The following PDCD1LG2 variants were observed in gnomAD, a reference collection of about 807,000 sequenced individuals.
PDCD1LG2 encodes programmed cell death 1 ligand 2.
A neutral mutation model predicts 28.2 loss-of-function variants in PDCD1LG2; 32 were observed. The ratio of observed to expected loss-of-function variants is 1.13; its 90% CI spans 0.86 to 1.52. The LOEUF is 1.52. Ranked by LOEUF, PDCD1LG2 falls within the 40% of genes most tolerant of loss-of-function variation. The pLI is 0.00. For missense variants in PDCD1LG2, 385 were observed against 323.8 expected (o/e 1.19, Z -1.45); for synonymous variants, 116 against 120.2 (o/e 0.97, Z 0.23).
At chr9:5,541,762 T>C (rs1030509721) in intron 3 of PDCD1LG2, among the ~76,000 whole-genome samples, 22 of 151,856 alleles carry the variant, frequency 1.4e-4, no homozygotes, top group African/African-American at 5.3e-4. Flanking sequence ...GCAAAAGCAA[T>C]CTACAAAGTC....
intron 1 of PDCD1LG2, among the ~76,000 whole-genome samples, chr9:5,512,289 A>T (rs1213568303): frequency 6.6e-6 from 1 of 152,210 alleles, no homozygotes; most frequent in African/African-American, 2.4e-5. Context: ...ATAACCTTCA[A>T]ATCAACTCAC....
At chr9:5,540,717 C>T (rs1820670881) in intron 3 of PDCD1LG2, among the ~76,000 whole-genome samples, 1 of 151,956 alleles carries the variant, frequency 6.6e-6, no homozygotes, top group Non-Finnish European at 1.5e-5. Context: ...TGAATGGTAA[C>T]TTTTAAAATT....
At chr9:5,517,799 A>T (rs926782948) in intron 1 of PDCD1LG2, among the ~76,000 whole-genome samples, 7 of 152,188 alleles carry the variant, frequency 4.6e-5, no homozygotes, top group African/African-American at 1.2e-4. Flanking sequence ...TTGGTTAATG[A>T]ATCAGATGTA....
chr9:5,569,562 A>G lies in PDCD1LG2; in HGVS notation c.817-392A>G, dbSNP rs1033478755. 3.3e-5 allele frequency among the ~76,000 whole-genome samples: 5 copies of G among 152,218 alleles called. No individual in the cohort carries two copies. The highest frequency in any genetic ancestry group is 1.2e-4 in the African/African-American group (5 of 41,456). Reference sequence around the variant, plus strand: ...GAGGAGCCCAGTGATGCAGTCTGCAATGTCATCATCCTGGAGCATGAATAG... The same window carrying G: ...GAGGAGCCCAGTGATGCAGTCTGCAGTGTCATCATCCTGGAGCATGAATAG... On this transcript the variant is annotated intron_variant, in intron 6 of 6. Coordinates refer to ENST00000397747, the MANE Select transcript of PDCD1LG2 (RefSeq NM_025239.4). The surrounding 1 kb of genome is among the most constrained non-coding windows in gnomAD (Gnocchi z 4.1).
In PDCD1LG2 at chr9:5,534,903, A is replaced by G; in HGVS notation, c.214A>G (p.Arg72Gly). 1 of 1,614,206 alleles carries G rather than the reference A, an allele frequency of 6.2e-7. No homozygotes were observed. Among genetic ancestry groups the G allele is most frequent in the Non-Finnish European group, 8.5e-7 (1 of 1,180,030 alleles). Residue 72 changes from arginine (R) to glycine (G), a missense_variant, in exon 3 of 7, where the codon AGA becomes GGA. By Grantham distance (125) the Arg-to-Gly change is moderately radical. Coordinates refer to ENST00000397747, the MANE Select transcript of PDCD1LG2 (RefSeq NM_025239.4). ...VENDTSPHRE[R>G]ATLLEEQLPL... ...AAATGATACATCCCCACACCGTGAA[A>G]GAGCCACTTTGCTGGAGGAGCAGCT...
intron 2 of PDCD1LG2, among the ~76,000 whole-genome samples, chr9:5,532,220 C>A (rs1468594554): frequency 6.6e-6 from 1 of 152,222 alleles, no homozygotes; most frequent in Non-Finnish European, 1.5e-5. Flanking sequence ...CACCTTATAG[C>A]CCTGCCCCTG....
chr9:5,552,206 G>A (rs2129893421), intron 4 of PDCD1LG2, among the ~76,000 whole-genome samples: 1 of 152,266 alleles, frequency 6.6e-6, no homozygotes, highest in Admixed American at 6.5e-5. Flanking sequence ...ACTCTTCCTT[G>A]TCTCCATTAT....
At chr9:5,526,182 T>C (rs1423121812) in intron 2 of PDCD1LG2, among the ~76,000 whole-genome samples, 1 of 152,182 alleles carries the variant, frequency 6.6e-6, no homozygotes, top group African/African-American at 2.4e-5. Flanking sequence ...CAGATGTTCA[T>C]TTTACTTAAT....
Position 5,543,690 on chromosome 9 carries a change from G to T in PDCD1LG2, c.362-5645G>T, listed in dbSNP as rs113230215. Among the ~76,000 whole-genome samples, 608 of 152,268 alleles carry T rather than the reference G, an allele frequency of 4.0e-3. 5 individuals are homozygous for T. The highest frequency in any genetic ancestry group is 0.011 in the African/African-American group (456 of 41,548). ...CCCAAGGAAAGCATTTGCTAAAAGA[G>T]CCAAGTCTCAGTGTCTTTTTTTCCC... On this transcript the variant is annotated intron_variant, in intron 3 of 6. Transcript: ENST00000397747.
At chr9:5,560,101 T>A (rs1343450790) in intron 5 of PDCD1LG2, among the ~76,000 whole-genome samples, 5 of 152,252 alleles carry the variant, frequency 3.3e-5, no homozygotes, top group Non-Finnish European at 7.3e-5. Flanking sequence ...TTATTATATG[T>A]TTCCATAGCA....
intron 1 of PDCD1LG2, 99 bp from the exon 2 acceptor site, chr9:5,522,434 C>T (rs1033147060): frequency 3.4e-6 from 3 of 886,340 alleles, no homozygotes; most frequent in Non-Finnish European, 5.4e-6. Flanking sequence ...GTCACCTTCC[C>T]CAAATGATTT....
intron 6 of PDCD1LG2, among the ~76,000 whole-genome samples, chr9:5,565,548 T>A (rs1816649847): frequency 6.6e-6 from 1 of 152,204 alleles, no homozygotes; most frequent in Non-Finnish European, 1.5e-5. Flanking sequence ...CTTTTTATTT[T>A]TCCTCTGCAT....
In PDCD1LG2 at chr9:5,521,929, G is replaced by A. The variant is rs1318452403; in HGVS notation, c.-14-604G>A. Among the ~76,000 whole-genome samples, 4 of 152,168 alleles carry A rather than the reference G, an allele frequency of 2.6e-5. No individual in the cohort carries two copies. In the East Asian group the frequency reaches 7.7e-4, roughly 29 times the overall value. On this transcript the variant is annotated intron_variant, in intron 1 of 6. Coordinates refer to ENST00000397747, the MANE Select transcript of PDCD1LG2 (RefSeq NM_025239.4). ...GGAGGTACAGCAGGACCAAGGTGGG[G>A]CATTCGCAGCCCCCACCCTCATCAG... is the stretch of plus-strand genomic sequence containing the variant.
rs78710842 is a variant in PDCD1LG2, at chr9:5,525,771, G to A, written c.55+3170G>A. ...AAGCTTAAAAAGTAAAGAAGAGGCC[G>A]GGCATGGTGGCTCACGCCTGTAATC... On this transcript the variant is annotated intron_variant, in intron 2 of 6. Coordinates refer to ENST00000397747, the MANE Select transcript of PDCD1LG2 (RefSeq NM_025239.4). Among the ~76,000 whole-genome samples the A allele has an allele frequency of 1.5e-3, 231 of 152,110 alleles. 5 individuals carry two copies. In the East Asian group the frequency reaches 0.027, roughly 18 times the overall value.
chr9:5,538,106 G>C (rs1176373353), intron 3 of PDCD1LG2, among the ~76,000 whole-genome samples: 1 of 152,126 alleles, frequency 6.6e-6, no homozygotes, highest in Non-Finnish European at 1.5e-5. Context: ...AATTTAGACA[G>C]AGAAGAATTT....
chr9:5,570,540 C>T lies in PDCD1LG2; in HGVS notation c.*581C>T, dbSNP rs1016128661. 4 of 232,782 alleles carry T rather than the reference C, an allele frequency of 1.7e-5. No homozygotes were observed. The highest frequency in any genetic ancestry group is 1.2e-4 in the East Asian group (2 of 16,496). The allele number at this position is 232,782 out of a possible 1,614,324, so 14.4% of individuals were successfully genotyped here. A position where few individuals can be genotyped will look rare whatever the true frequency, so the allele number is the denominator to read the frequency against. On this transcript the variant is annotated 3_prime_UTR_variant, in exon 7 of 7. Coordinates refer to ENST00000397747, the MANE Select transcript of PDCD1LG2 (RefSeq NM_025239.4). Reference sequence around the variant, plus strand: ...AATTAACAGAGAGCATTTAAATATACACTAAGTGCACAAATTGTGGAGTAA... The same window carrying T: ...AATTAACAGAGAGCATTTAAATATATACTAAGTGCACAAATTGTGGAGTAA...
At chr9:5,567,110 C>T (rs1381607090) in intron 6 of PDCD1LG2, among the ~76,000 whole-genome samples, 1 of 152,208 alleles carries the variant, frequency 6.6e-6, no homozygotes, top group Admixed American at 6.5e-5. Context: ...TCCCCACTCA[C>T]CTCTCTAGAT....
intron 5 of PDCD1LG2, among the ~76,000 whole-genome samples, chr9:5,560,100 G>A (rs1163372721): frequency 6.6e-6 from 1 of 152,166 alleles, no homozygotes; most frequent in Non-Finnish European, 1.5e-5. Flanking sequence ...CTTATTATAT[G>A]TTTCCATAGC....
intron 2 of PDCD1LG2, among the ~76,000 whole-genome samples, chr9:5,525,796 C>T (rs1357459590): frequency 6.6e-6 from 1 of 152,056 alleles, no homozygotes; most frequent in African/African-American, 2.4e-5. Context: ...CGCCTGTAAT[C>T]CCAGCACTTT....
Sources: allele counts gnomAD v4.1 joint callset (sites outside exome capture counted in the v4.1 genomes callset), GRCh38; gene constraint gnomAD v4.1.1; non-coding constraint Gnocchi (gnomAD v3.1); transcripts MANE v1.5; gene names NCBI Gene and HGNC (gene_info 2026-07-23, HGNC 2026-07-21).